The following BFSP1 variants were observed in gnomAD, a reference collection of about 807,000 sequenced individuals.
BFSP1 encodes the protein beaded filament structural protein 1.
BFSP1 carries 38 observed loss-of-function variants against 43.9 expected under a neutral mutation model. The ratio of observed to expected loss-of-function variants is 0.87; its 90% CI spans 0.67 to 1.14. The LOEUF (loss-of-function observed/expected upper bound fraction) is 1.14. Among genes scored for constraint, BFSP1 ranks in the 50% most tolerant of loss-of-function variants. The pLI, the probability that BFSP1 is intolerant of heterozygous loss-of-function variation, is 0.00. For synonymous variants in BFSP1, 352 were observed against 354.8 expected, an observed-to-expected ratio of 0.99 and a Z score of 0.09; for missense variants, 850 against 875.1, an observed-to-expected ratio of 0.97 and a Z score of 0.36.
rs1289954755 is a variant in BFSP1, at chr20:17,524,915, A to AT, written c.378-8dup. The AT allele has an allele frequency of 6.2e-7, 1 of 1,612,780 alleles. No individual in the cohort carries two copies. The highest frequency in any genetic ancestry group is 8.5e-7 in the Non-Finnish European group (1 of 1,178,762). Reference sequence around the variant, plus strand: ...TTCGCACTCATTTTCATACCTGCAAATTGGACACATAAGTGAGAGTTGGGT... The same window carrying AT: ...TTCGCACTCATTTTCATACCTGCAAATTTGGACACATAAGTGAGAGTTGGGT... On this transcript the variant is annotated splice_polypyrimidine_tract_variant and splice_region_variant and intron_variant, in intron 1 of 7. Coordinates refer to ENST00000377873, the MANE Select transcript of BFSP1 (RefSeq NM_001195.5).
upstream of BFSP1, among the ~76,000 whole-genome samples, chr20:17,532,441 C>CT (rs1422337357): frequency 5.2e-3 from 790 of 150,772 alleles, 9 homozygotes; most frequent in African/African-American, 0.018. Flanking sequence ...AAAAAGATTG[C>CT]TTTTTTCTTT....
chr20:17,568,333 G>T (rs746049641), intron 1 of BFSP1, among the ~76,000 whole-genome samples: 2 of 152,080 alleles, frequency 1.3e-5, no homozygotes, highest in African/African-American at 4.8e-5. Flanking sequence ...AAGCAGGCAG[G>T]CATGTATCCT....
intron 1 of BFSP1, among the ~76,000 whole-genome samples, chr20:17,549,435 T>A (rs2034859313): frequency 1.3e-5 from 2 of 152,090 alleles, no homozygotes; most frequent in African/African-American, 4.8e-5. Context: ...ACGTTTTACA[T>A]CACCAGAGCA....
chr20:17,553,776 C>CATATATATATATATATATATATATAT (rs1204969085), intron 1 of BFSP1, among the ~76,000 whole-genome samples: 2 of 106,228 alleles, frequency 1.9e-5, no homozygotes, highest in African/African-American at 9.4e-5. Context: ...AATATATAAA[C>CATATATATATATATATATATATATAT]ATATATATAT....
At chr20:17,515,751 T>C (rs2034185580) in intron 2 of BFSP1, among the ~76,000 whole-genome samples, 1 of 152,242 alleles carries the variant, frequency 6.6e-6, no homozygotes, top group Admixed American at 6.5e-5. Flanking sequence ...TCTCCCAAGA[T>C]ACCTCTGCCA....
chr20:17,494,089 T>C lies in BFSP1; in HGVS notation c.1983A>G (p.Gly661=), dbSNP rs770143178. 1.9e-6 allele frequency: 3 copies of C among 1,613,016 alleles called. No individual in the cohort carries two copies. The South Asian group carries it at 3.3e-5, about 18-fold the overall frequency. Residue 661 remains glycine, a synonymous_variant, in exon 8 of 8, where the codon GGA becomes GGG. Transcript: ENST00000377873. The stretch of plus-strand genomic sequence containing the variant: ...CCTGGGCATTTTAAGAGCTCTTCTC[T>C]CCTGATTTCTTCTTGTCTGACTTTG... ...GKTKSDKKKS[G]EKSS is the part of the protein sequence containing the mutation.
intron 1 of BFSP1, among the ~76,000 whole-genome samples, chr20:17,526,988 T>G (rs2034436577): frequency 6.6e-6 from 1 of 152,224 alleles, no homozygotes; most frequent in Non-Finnish European, 1.5e-5. Context: ...TGCATGCCCA[T>G]GCCATGGGTT....
chr20:17,503,983 C>T (rs74181967), intron 5 of BFSP1, among the ~76,000 whole-genome samples: 8,042 of 152,250 alleles, frequency 0.053, 295 homozygotes, highest in Non-Finnish European at 0.08. Context: ...AAGTGGAGTG[C>T]AATCTTTTTA....
upstream of BFSP1, among the ~76,000 whole-genome samples, chr20:17,534,314 T>C (rs1261087676): frequency 2.6e-5 from 4 of 152,204 alleles, no homozygotes; most frequent in East Asian, 7.7e-4. Flanking sequence ...AGATCTGAGG[T>C]TAAGTTCTGG....
chr20:17,501,995 A>G (rs2033815144), intron 5 of BFSP1, among the ~76,000 whole-genome samples: 1 of 152,122 alleles, frequency 6.6e-6, no homozygotes, highest in South Asian at 2.1e-4. Flanking sequence ...TTATTTGGAG[A>G]GGAAAAGAAA....
At chr20:17,510,253 G>A (rs1057026225) in intron 4 of BFSP1, among the ~76,000 whole-genome samples, 1 of 152,206 alleles carries the variant, frequency 6.6e-6, no homozygotes, top group Non-Finnish European at 1.5e-5. Context: ...GATGCTGATC[G>A]ATGACATCAA....
chr20:17,517,352 AAAC>A (rs1279960731), intron 2 of BFSP1: 2 of 957,930 alleles, frequency 2.1e-6, no homozygotes, highest in African/African-American at 3.2e-5. Context: ...AAACAAAACA[AAAC>A]AAACAAACAA....
At chr20:17,518,129 C>A (rs998330518) in intron 2 of BFSP1, among the ~76,000 whole-genome samples, 9 of 150,730 alleles carry the variant, frequency 6.0e-5, no homozygotes, top group African/African-American at 2.2e-4. Context: ...CCTGGGAAAA[C>A]CACTCCCTTC....
At chr20:17,538,138 A>C (rs755089966) in intron 1 of BFSP1, among the ~76,000 whole-genome samples, 1 of 147,406 alleles carries the variant, frequency 6.8e-6, no homozygotes, top group Non-Finnish European at 1.5e-5. Flanking sequence ...AAAAAAAAGA[A>C]AGAGAGAAAG....
chr20:17,501,809 G>A (rs1209763345), intron 5 of BFSP1, among the ~76,000 whole-genome samples: 3 of 152,208 alleles, frequency 2.0e-5, no homozygotes, highest in Non-Finnish European at 4.4e-5. Context: ...AGGACCAGGG[G>A]TGGGCCTGAC....
intron 3 of BFSP1, among the ~76,000 whole-genome samples, 155 bp from the exon 4 acceptor site, chr20:17,512,223 C>T (rs2034100737): frequency 6.6e-6 from 1 of 152,212 alleles, no homozygotes; most frequent in Non-Finnish European, 1.5e-5. Flanking sequence ...GAGACTGATG[C>T]ATTTGCTGCC....
chr20:17,531,343 C>A lies in BFSP1; in HGVS notation c.-14G>T. ...GCGCCGGTACATGGCTGCTCTGGCG[C>A]GGGCGCGCGGGCGGCGCCGAGCCGG... On this transcript the variant is annotated 5_prime_UTR_variant, in exon 1 of 8. Coordinates refer to ENST00000377873, the MANE Select transcript of BFSP1 (RefSeq NM_001195.5). The A allele has an allele frequency of 2.2e-6, 3 of 1,374,370 alleles. No homozygotes were observed. Among genetic ancestry groups the A allele is most frequent in the South Asian group, 1.6e-5 (1 of 61,668 alleles). 85.1% of individuals were successfully genotyped at this position (1,374,370 alleles called of 1,614,324 possible). A position where few individuals can be genotyped will look rare whatever the true frequency, so the allele number is the denominator to read the frequency against.
intron 1 of BFSP1, among the ~76,000 whole-genome samples, chr20:17,527,278 G>T (rs1183056908): frequency 1.3e-5 from 2 of 152,170 alleles, no homozygotes; most frequent in East Asian, 3.8e-4. Flanking sequence ...TTAGCTTTGA[G>T]AATAAAACTT....
In BFSP1 at chr20:17,530,971, A is replaced by G; in HGVS notation, c.359T>C (p.Leu120Pro). Residue 120 changes from leucine (L) to proline (P), a missense_variant, in exon 1 of 8, where the codon CTC (leucine) becomes CCC (proline). Physicochemically the swap from Leu to Pro is moderately conservative, Grantham distance 98. Transcript: ENST00000377873. The part of the protein sequence containing the change: ...ERQGTEAQRA[L>P]DEFRSKYENE... Reference sequence around the variant, plus strand: ...CGCTTACTTGCTTCGGAACTCGTCGAGCGCGCGCTGCGCCTCGGTGCCCTG... The same window carrying G: ...CGCTTACTTGCTTCGGAACTCGTCGGGCGCGCGCTGCGCCTCGGTGCCCTG... 7.0e-7 allele frequency: 1 copy of G among 1,438,802 alleles called. No individual in the cohort carries two copies. Among genetic ancestry groups the G allele is most frequent in the Non-Finnish European group, 9.1e-7 (1 of 1,099,684 alleles). The allele number at this position is 1,438,802 out of a possible 1,614,324, so 89.1% of individuals were successfully genotyped here. A position where few individuals can be genotyped will look rare whatever the true frequency, so the allele number is the denominator to read the frequency against.
Sources: allele counts gnomAD v4.1 joint callset (sites outside exome capture counted in the v4.1 genomes callset), GRCh38; gene constraint gnomAD v4.1.1; transcripts MANE v1.5; gene names NCBI Gene and HGNC (gene_info 2026-07-23, HGNC 2026-07-21).